Variants in TMEM182 observed in about 807,000 individuals in gnomAD.
The protein encoded by TMEM182 is transmembrane protein 182.
In TMEM182, 20 loss-of-function variants were observed where a neutral mutation model predicts 26.8. The ratio of observed to expected loss-of-function variants is 0.75; its 90% CI spans 0.53 to 1.09. The LOEUF (loss-of-function observed/expected upper bound fraction) is 1.09, where lower values mean the gene tolerates loss of function less well. Ranked by LOEUF, TMEM182 falls within the 50% of genes least tolerant of loss-of-function variation. TMEM182 has a pLI of 0.00. For synonymous variants in TMEM182, 109 were observed against 102.2 expected (o/e 1.07, Z -0.40); for missense variants, 277 against 275.5 (o/e 1.01, Z -0.04).
intron 3 of TMEM182, among the ~76,000 whole-genome samples, chr2:102,776,570 C>G (rs994361094): frequency 9.2e-5 from 14 of 152,138 alleles, no homozygotes; most frequent in African/African-American, 3.4e-4. Flanking sequence ...TATTGAAGCA[C>G]ATCTTGGTTG....
At position 102,837,379 on chromosome 2, in the gene TMEM182, A is replaced by G. The variant is rs559866304; in HGVS notation, c.326-6033A>G. Among the ~76,000 whole-genome samples, 5 of 152,330 alleles carry G rather than the reference A, an allele frequency of 3.3e-5. No homozygotes were observed. The South Asian group carries it at 1.0e-3, about 32-fold the overall frequency. On this transcript the variant is annotated intron_variant, in intron 3 of 3. Coordinates refer to the TMEM182 transcript ENST00000486293. ...GAAAAGCATGAACAGCAAAGCATTG[A>G]CTAGATTCTACCGATACATTGAAGA... is the stretch of plus-strand genomic sequence containing the variant.
At chr2:102,798,828 A>G (rs1681991899) in intron 4 of TMEM182, among the ~76,000 whole-genome samples, 1 of 152,032 alleles carries the variant, frequency 6.6e-6, no homozygotes, top group Non-Finnish European at 1.5e-5. Flanking sequence ...TGACAGAGCG[A>G]GACTTTGTCT....
In TMEM182 at chr2:102,816,246, T is replaced by C. The variant is rs1558788937; in HGVS notation, c.*1278T>C. Reference sequence around the variant, plus strand: ...GGGAGCTCGGCAGGGTATGTGAGCTTTGTTGGAGGTGCGGTGTTTCATTCT... The same window carrying C: ...GGGAGCTCGGCAGGGTATGTGAGCTCTGTTGGAGGTGCGGTGTTTCATTCT... On this transcript the variant is annotated 3_prime_UTR_variant, in exon 5 of 5. Transcript: ENST00000412401. The C allele has an allele frequency of 1.0e-6, 1 of 985,258 alleles. No individual in the cohort carries two copies. Among genetic ancestry groups the C allele is most frequent in the Non-Finnish European group, 1.2e-6 (1 of 829,900 alleles). 61.0% of individuals were successfully genotyped at this position (985,258 alleles called of 1,614,324 possible).
Position 102,762,087 on chromosome 2 carries a change from T to C in TMEM182, c.-131T>C. The C allele has an allele frequency of 1.3e-6, 1 of 786,722 alleles. No individual in the cohort carries two copies. The highest frequency in any genetic ancestry group is 2.9e-5 in the East Asian group (1 of 34,252). The allele number at this position is 786,722 out of a possible 1,614,324, so 48.7% of individuals were successfully genotyped here. A position where few individuals can be genotyped will look rare whatever the true frequency, so the allele number is the denominator to read the frequency against. ...ACCAAAACATGAGCTAGGACAGCCT[T>C]CTCAAGAAGATTCTGCCAACTCAAA... On this transcript the variant is annotated 5_prime_UTR_variant, in exon 1 of 5. Coordinates refer to ENST00000412401, the MANE Select transcript of TMEM182 (RefSeq NM_144632.5).
At chr2:102,772,951 T>C (rs921896163) in intron 3 of TMEM182, among the ~76,000 whole-genome samples, 96 of 152,082 alleles carry the variant, frequency 6.3e-4, no homozygotes, top group Non-Finnish European at 2.6e-4. Context: ...TGTGTGTGTG[T>C]GTGTGTGTGT....
At chr2:102,759,337 C>G (rs578105872), upstream of TMEM182, among the ~76,000 whole-genome samples, 1 of 152,314 alleles carries the variant, frequency 6.6e-6, no homozygotes, top group African/African-American at 2.4e-5. Flanking sequence ...CCACACTAAT[C>G]CAGGGAGGGG....
chr2:102,779,879 T>C (rs989812509), intron 3 of TMEM182, among the ~76,000 whole-genome samples: 2 of 152,012 alleles, frequency 1.3e-5, no homozygotes. Flanking sequence ...GGTGGGTGCC[T>C]GTAATCCCAG....
chr2:102,794,428 G>T (rs1277482593), intron 3 of TMEM182, among the ~76,000 whole-genome samples: 1 of 152,182 alleles, frequency 6.6e-6, no homozygotes, highest in Non-Finnish European at 1.5e-5. Flanking sequence ...AGTTTAACGT[G>T]CACTCCGGTG....
chr2:102,753,201 C>T (rs560688289), intron 1 of TMEM182, among the ~76,000 whole-genome samples: 2 of 81,594 alleles, frequency 2.5e-5, no homozygotes, highest in Admixed American at 1.2e-4. Flanking sequence ...GCTTCCCCCC[C>T]CCACTGCCTT....
chr2:102,773,201 CA>C (rs376559499), intron 3 of TMEM182, among the ~76,000 whole-genome samples: 146 of 144,744 alleles, frequency 1.0e-3, no homozygotes, highest in Middle Eastern at 3.4e-3. Context: ...AACAGTAGTC[CA>C]AAAAAAAAAG....
At chr2:102,764,456 C>G in intron 3 of TMEM182, 29 bp downstream of exon 3, 1 of 1,591,810 alleles carries the variant, frequency 6.3e-7, no homozygotes, top group African/African-American at 1.3e-5. Flanking sequence ...CAGCCTACTT[C>G]TAAAAGGGTC....
chr2:102,758,576 A>G (rs1680114795), upstream of TMEM182: 1 of 689,698 alleles, frequency 1.4e-6, no homozygotes, highest in East Asian at 2.7e-5. Flanking sequence ...GCTAAAATCC[A>G]GCTCTCCAGA....
chr2:102,828,908 G>A (rs754667835), intron 3 of TMEM182, among the ~76,000 whole-genome samples: 8 of 152,212 alleles, frequency 5.3e-5, no homozygotes, highest in Non-Finnish European at 1.2e-4. Flanking sequence ...AATTGCCTAA[G>A]AATTGATTTC....
intron 1 of TMEM182, among the ~76,000 whole-genome samples, chr2:102,740,340 C>T (rs181614033): frequency 3.9e-5 from 6 of 152,178 alleles, no homozygotes; most frequent in East Asian, 3.9e-4. Context: ...ATGCTGTTCT[C>T]GTGATAGTGA....
chr2:102,795,088 C>G (rs1681813206), intron 3 of TMEM182, among the ~76,000 whole-genome samples: 1 of 152,018 alleles, frequency 6.6e-6, no homozygotes, highest in African/African-American at 2.4e-5. Context: ...TTATTGAGTC[C>G]ATTGCATGGG....
At chr2:102,814,688 T>C in intron 4 of TMEM182, 60 bp from the exon 5 acceptor site, 1 of 1,474,148 alleles carries the variant, frequency 6.8e-7, no homozygotes. Flanking sequence ...TTGGTTTAGA[T>C]AGCGTTCTTG....
intron 4 of TMEM182, among the ~76,000 whole-genome samples, chr2:102,807,851 C>T (rs1682405026): frequency 6.6e-6 from 1 of 152,114 alleles, no homozygotes; most frequent in South Asian, 2.1e-4. Flanking sequence ...CATATGAAAA[C>T]AAGTTTGCAA....
intron 3 of TMEM182, among the ~76,000 whole-genome samples, chr2:102,843,110 T>G (rs1221329221): frequency 6.6e-6 from 1 of 152,228 alleles, no homozygotes; most frequent in Non-Finnish European, 1.5e-5. Context: ...CCTGTTGCCA[T>G]GGCTCCCCGA....
At chr2:102,842,876 G>C (rs1683381061) in intron 3 of TMEM182, among the ~76,000 whole-genome samples, 2 of 152,078 alleles carry the variant, frequency 1.3e-5, no homozygotes, top group Admixed American at 1.3e-4. Flanking sequence ...CCCTCCCTTT[G>C]GGTGGTTGCC....
Sources: gnomAD v4.1 joint callset for allele counts (sites outside exome capture counted in the v4.1 genomes callset) on GRCh38, gnomAD v4.1.1 for gene constraint, MANE v1.5 for transcripts, NCBI Gene and HGNC (gene_info 2026-07-23, HGNC 2026-07-21) for gene names.